The following LRRC3B variants were observed in gnomAD, a reference collection of about 807,000 sequenced individuals.
LRRC3B encodes the protein leucine-rich repeat-containing protein 3B.
A neutral mutation model predicts 12.8 loss-of-function variants in LRRC3B; 2 were observed. That is an observed-to-expected ratio of 0.16 (90% CI 0.06 to 0.49). LRRC3B has a LOEUF of 0.49. Ranked by LOEUF, LRRC3B falls within the 20% of genes least tolerant of loss-of-function variation. The pLI is 0.96. For missense variants in LRRC3B, 189 were observed against 319.4 expected (o/e 0.59, Z 3.11); for synonymous variants, 132 against 122.0 (o/e 1.08, Z -0.54).
chr3:26,692,736 C>G (rs1700217029), intron 1 of LRRC3B, among the ~76,000 whole-genome samples: 1 of 152,068 alleles, frequency 6.6e-6, no homozygotes, highest in South Asian at 2.1e-4. Context: ...GGTAAAATAG[C>G]CATGTGTATC....
At chr3:26,674,914 G>A (rs953042165) in intron 1 of LRRC3B, among the ~76,000 whole-genome samples, 3 of 152,264 alleles carry the variant, frequency 2.0e-5, no homozygotes, top group African/African-American at 7.2e-5. Context: ...TTCCCAAATA[G>A]CATGGGCTTA....
At chr3:26,644,677 G>A (rs756868621) in intron 1 of LRRC3B, among the ~76,000 whole-genome samples, 2 of 152,070 alleles carry the variant, frequency 1.3e-5, no homozygotes, top group Non-Finnish European at 2.9e-5. Context: ...GTTATTAAGG[G>A]CATTTTGGGA....
At chr3:26,661,012 C>A (rs1699481096) in intron 1 of LRRC3B, among the ~76,000 whole-genome samples, 1 of 152,082 alleles carries the variant, frequency 6.6e-6, no homozygotes, top group Admixed American at 6.6e-5. Flanking sequence ...AATGTGTGAT[C>A]ATAATAGCTT....
chr3:26,631,834 A>G (rs1018232796), intron 1 of LRRC3B, among the ~76,000 whole-genome samples: 7 of 151,256 alleles, frequency 4.6e-5, no homozygotes, highest in African/African-American at 1.7e-4. Context: ...TCTGGGCTCT[A>G]CTTCCCCCGT....
At chr3:26,707,380 AAAT>A (rs1700624408) in intron 1 of LRRC3B, among the ~76,000 whole-genome samples, 1 of 152,026 alleles carries the variant, frequency 6.6e-6, no homozygotes, top group Non-Finnish European at 1.5e-5. Flanking sequence ...AATAAAAATA[AAAT>A]AATAAATAAA....
intron 1 of LRRC3B, among the ~76,000 whole-genome samples, chr3:26,680,349 A>G (rs1699946248): frequency 6.6e-6 from 1 of 152,166 alleles, no homozygotes; most frequent in Non-Finnish European, 1.5e-5. Flanking sequence ...CTTTTGGAAT[A>G]TTTGTCTCAT....
At chr3:26,682,962 G>A (rs1203572833) in intron 1 of LRRC3B, among the ~76,000 whole-genome samples, 1 of 152,198 alleles carries the variant, frequency 6.6e-6, no homozygotes, top group Non-Finnish European at 1.5e-5. Context: ...TCTGCAGCAT[G>A]TAAGAATGAC....
chr3:26,663,600 T>C (rs746462978), intron 1 of LRRC3B, among the ~76,000 whole-genome samples: 1 of 152,156 alleles, frequency 6.6e-6, no homozygotes, highest in Non-Finnish European at 1.5e-5. Flanking sequence ...AAGCTTTCCA[T>C]TGACTGTGTT....
At chr3:26,644,841 A>G (rs1699108645) in intron 1 of LRRC3B, among the ~76,000 whole-genome samples, 1 of 152,214 alleles carries the variant, frequency 6.6e-6, no homozygotes, top group African/African-American at 2.4e-5. Flanking sequence ...ATCAATGTCT[A>G]CAACTAACTC....
intron 1 of LRRC3B, among the ~76,000 whole-genome samples, chr3:26,653,540 A>G (rs1394930854): frequency 1.3e-5 from 2 of 151,914 alleles, no homozygotes; most frequent in African/African-American, 4.9e-5. Flanking sequence ...GATGAAGTAT[A>G]AAACAAAACA....
intron 1 of LRRC3B, among the ~76,000 whole-genome samples, chr3:26,693,254 G>A (rs891943891): frequency 7.6e-4 from 113 of 148,540 alleles, no homozygotes; most frequent in Non-Finnish European, 1.2e-3. Flanking sequence ...GCGTGAACCC[G>A]GGAGGCGGAG....
At chr3:26,676,544 A>T (rs1699864772) in intron 1 of LRRC3B, among the ~76,000 whole-genome samples, 1 of 152,192 alleles carries the variant, frequency 6.6e-6, no homozygotes, top group South Asian at 2.1e-4. Context: ...ATGAGATACC[A>T]TCTCACACCA....
chr3:26,632,918 C>T (rs1698789008), intron 1 of LRRC3B, among the ~76,000 whole-genome samples: 1 of 152,240 alleles, frequency 6.6e-6, no homozygotes, highest in Non-Finnish European at 1.5e-5. Flanking sequence ...CTCTCCAACT[C>T]TGTGATCAGA....
At chr3:26,686,717 A>G (rs181197340) in intron 1 of LRRC3B, among the ~76,000 whole-genome samples, 3 of 152,362 alleles carry the variant, frequency 2.0e-5, no homozygotes, top group East Asian at 1.9e-4. Flanking sequence ...GGGATTTGGC[A>G]TGCAAGAGGT....
intron 1 of LRRC3B, among the ~76,000 whole-genome samples, chr3:26,638,050 TC>T (rs1456500820): frequency 6.6e-6 from 1 of 152,188 alleles, no homozygotes; most frequent in Admixed American, 6.5e-5. Flanking sequence ...ATGGCAGACT[TC>T]TTTCCATTGA....
At chr3:26,679,613 C>A (rs1441243533) in intron 1 of LRRC3B, among the ~76,000 whole-genome samples, 1 of 152,236 alleles carries the variant, frequency 6.6e-6, no homozygotes, top group Non-Finnish European at 1.5e-5. Context: ...ATAGCACCAT[C>A]CACTGCAACA....
intron 1 of LRRC3B, among the ~76,000 whole-genome samples, chr3:26,669,617 G>A (rs761431509): frequency 4.6e-5 from 7 of 152,132 alleles, no homozygotes; most frequent in Non-Finnish European, 8.8e-5. Context: ...AGTAAAATCT[G>A]TCTTATTTGA....
At chr3:26,651,276 G>A (rs550513524) in intron 1 of LRRC3B, among the ~76,000 whole-genome samples, 1 of 152,178 alleles carries the variant, frequency 6.6e-6, no homozygotes, top group Non-Finnish European at 1.5e-5. Context: ...ATGGTTATAT[G>A]CAAACATCAC....
chr3:26,687,274 C>A (rs551486222), intron 1 of LRRC3B, among the ~76,000 whole-genome samples: 4 of 152,202 alleles, frequency 2.6e-5, no homozygotes, highest in Admixed American at 2.6e-4. Context: ...GATTTTGATA[C>A]AGCCTTTGCT....
Sources: gnomAD v4.1 joint callset for allele counts (sites outside exome capture counted in the v4.1 genomes callset) on GRCh38, gnomAD v4.1.1 for gene constraint, MANE v1.5 for transcripts, NCBI Gene and HGNC (gene_info 2026-07-23, HGNC 2026-07-21) for gene names.